Variants in COL21A1 observed in about 807,000 individuals in gnomAD.
COL21A1 encodes the protein collagen alpha-1(XXI) chain.
COL21A1 carries 149 observed loss-of-function variants against 137.9 expected under a neutral mutation model. The ratio of observed to expected loss-of-function variants is 1.08; its 90% CI spans 0.95 to 1.24. The LOEUF is 1.24. Ranked by LOEUF, COL21A1 falls within the 50% of genes most tolerant of loss-of-function variation. The pLI, the probability that COL21A1 is intolerant of heterozygous loss-of-function variation, is 0.00. For missense variants in COL21A1, 1,167 were observed against 1,158.4 expected, an observed-to-expected ratio of 1.01 and a Z score of -0.11; for synonymous variants, 456 against 391.5, an observed-to-expected ratio of 1.16 and a Z score of -1.95.
chr6:56,314,063 T>A, intron 1 of COL21A1, among the ~76,000 whole-genome samples: 1 of 152,140 alleles, frequency 6.6e-6, no homozygotes, highest in East Asian at 1.9e-4. Flanking sequence ...CAGCTCACTG[T>A]AACCTCCACC....
chr6:56,107,661 G>C (rs971444773), intron 16 of COL21A1, among the ~76,000 whole-genome samples: 1 of 152,082 alleles, frequency 6.6e-6, no homozygotes, highest in Admixed American at 6.6e-5. Context: ...GTGAAAAGTG[G>C]TGAGACAAGG....
intron 1 of COL21A1, among the ~76,000 whole-genome samples, chr6:56,191,562 A>T (rs1439308543): frequency 6.9e-6 from 1 of 145,316 alleles, no homozygotes; most frequent in East Asian, 2.0e-4. Flanking sequence ...ACTGCACTCC[A>T]GCCTGGGTGA....
intron 1 of COL21A1, among the ~76,000 whole-genome samples, chr6:56,236,073 C>A (rs1781877995): frequency 6.6e-6 from 1 of 151,930 alleles, no homozygotes; most frequent in Non-Finnish European, 1.5e-5. Flanking sequence ...ACGGCTACAT[C>A]CTTTCTATTA....
intron 17 of COL21A1, among the ~76,000 whole-genome samples, chr6:56,097,307 G>GA (rs923405187): frequency 6.6e-6 from 1 of 152,040 alleles, no homozygotes; most frequent in African/African-American, 2.4e-5. Flanking sequence ...AGATTTAGGA[G>GA]AAAAAATTCA....
chr6:56,298,717 T>C (rs74813177), intron 1 of COL21A1, among the ~76,000 whole-genome samples: 11,865 of 152,132 alleles, frequency 0.078, 844 homozygotes, highest in African/African-American at 0.19. Flanking sequence ...GCTGCAAGTA[T>C]TCTTGCTCAG....
At chr6:56,183,147 A>G (rs1243886060) in intron 1 of COL21A1, among the ~76,000 whole-genome samples, 2 of 152,170 alleles carry the variant, frequency 1.3e-5, no homozygotes, top group African/African-American at 4.8e-5. Flanking sequence ...ATTCATAAAG[A>G]CTCAGTTACA....
At chr6:56,365,726 T>C (rs775926388) in intron 1 of COL21A1, among the ~76,000 whole-genome samples, 17 of 152,312 alleles carry the variant, frequency 1.1e-4, no homozygotes, top group Non-Finnish European at 2.2e-4. Context: ...TTCTTATATG[T>C]CAATGCCTCA....
chr6:56,329,681 C>T (rs1300367023), intron 1 of COL21A1, among the ~76,000 whole-genome samples: 2 of 152,034 alleles, frequency 1.3e-5, no homozygotes, highest in Non-Finnish European at 2.9e-5. Context: ...TTAAATAAGG[C>T]TGCCACGAAC....
At chr6:56,210,631 A>G (rs1403275233) in intron 1 of COL21A1, among the ~76,000 whole-genome samples, 1 of 152,152 alleles carries the variant, frequency 6.6e-6, no homozygotes, top group East Asian at 1.9e-4. Context: ...GTAGAATAAG[A>G]CATATATTCC....
At chr6:56,384,702 T>C (rs2094014597) in intron 1 of COL21A1, among the ~76,000 whole-genome samples, 1 of 152,168 alleles carries the variant, frequency 6.6e-6, no homozygotes, top group South Asian at 2.1e-4. Flanking sequence ...TTCTGAATAT[T>C]TTTAGGCGGC....
chr6:56,242,686 A>T (rs1381378303), intron 1 of COL21A1, among the ~76,000 whole-genome samples: 1 of 152,214 alleles, frequency 6.6e-6, no homozygotes, highest in African/African-American at 2.4e-5. Flanking sequence ...TGTCCAAGAA[A>T]CAACAAGGAG....
chr6:56,167,872 G>A (rs1406138792), intron 6 of COL21A1, among the ~76,000 whole-genome samples: 3 of 152,042 alleles, frequency 2.0e-5, no homozygotes, highest in African/African-American at 7.2e-5. Context: ...ATGTTTCCTA[G>A]AAATGTAGAA....
exon 1 of COL21A1, chr6:56,394,039 A>T (rs1421773332): frequency 1.3e-5 from 2 of 152,270 alleles, no homozygotes; most frequent in Non-Finnish European, 2.9e-5. Flanking sequence ...AGAAGCTCCC[A>T]TCTGAAATTC....
chr6:56,075,401 C>T (rs1767134358), intron 19 of COL21A1, 78 bp downstream of exon 19: 10 of 1,123,324 alleles, frequency 8.9e-6, no homozygotes, highest in Non-Finnish European at 1.3e-5. Flanking sequence ...TTTTTATGAA[C>T]TCTCGAATAT....
At chr6:56,086,471 G>T (rs1768258203) in intron 17 of COL21A1, among the ~76,000 whole-genome samples, 1 of 152,040 alleles carries the variant, frequency 6.6e-6, no homozygotes, top group South Asian at 2.1e-4. Context: ...TTACAATAAA[G>T]AAACTAGAGA....
intron 1 of COL21A1, among the ~76,000 whole-genome samples, chr6:56,230,670 G>A (rs1371255844): frequency 6.6e-6 from 1 of 151,706 alleles, no homozygotes; most frequent in Non-Finnish European, 1.5e-5. Context: ...ATAATCAATT[G>A]CAAAATACCT....
intron 1 of COL21A1, among the ~76,000 whole-genome samples, chr6:56,225,395 G>A (rs548895425): frequency 6.0e-4 from 91 of 152,096 alleles, no homozygotes; most frequent in African/African-American, 2.2e-3. Flanking sequence ...CTTTGAGTGG[G>A]CTACTACTCA....
At chr6:56,297,013 T>C (rs1006437188) in intron 1 of COL21A1, among the ~76,000 whole-genome samples, 1 of 152,076 alleles carries the variant, frequency 6.6e-6, no homozygotes, top group Non-Finnish European at 1.5e-5. Context: ...TACCCACTTA[T>C]TTAAATTTTA....
At chr6:56,127,367 A>G (rs76775402) in intron 12 of COL21A1, among the ~76,000 whole-genome samples, 3,945 of 152,304 alleles carry the variant, frequency 0.026, 185 homozygotes, top group African/African-American at 0.089. Flanking sequence ...TGATTGTTAT[A>G]TTGAACTCCA....
Sources: allele counts gnomAD v4.1 joint callset (sites outside exome capture counted in the v4.1 genomes callset), GRCh38; gene constraint gnomAD v4.1.1; transcripts MANE v1.5; gene names NCBI Gene and HGNC (gene_info 2026-07-23, HGNC 2026-07-21).